CDK5RAP2: variants seen among roughly 807,000 people sequenced by gnomAD.
CDK5RAP2 encodes the protein CDK5 regulatory subunit-associated protein 2.
In CDK5RAP2, 147 loss-of-function variants were observed where a neutral mutation model predicts 232.9. That is an observed-to-expected ratio of 0.63 (90% CI 0.55 to 0.72). The LOEUF is 0.72. CDK5RAP2 is among the 30% of genes least tolerant of loss of function. The pLI, the probability that CDK5RAP2 is intolerant of heterozygous loss-of-function variation, is 0.00. For missense variants in CDK5RAP2, 2,195 were observed against 2,231.5 expected (o/e 0.98, Z 0.33); for synonymous variants, 833 against 833.7 (o/e 1.00, Z 0.01).
At chr9:120,441,892 T>C (rs1011614046) in intron 23 of CDK5RAP2, among the ~76,000 whole-genome samples, 7 of 152,124 alleles carry the variant, frequency 4.6e-5, no homozygotes, top group African/African-American at 1.7e-4. Context: ...TAGCACAGGG[T>C]CTGCGACAGA....
rs1179591679 is a variant in CDK5RAP2, at chr9:120,532,873, C to T, written c.663-2733G>A. Among the ~76,000 whole-genome samples the T allele has an allele frequency of 8.5e-5, 13 of 152,300 alleles. No individual in the cohort carries two copies. In the South Asian group the frequency reaches 1.0e-3, roughly 12 times the overall value. On this transcript the variant is annotated intron_variant, in intron 7 of 37. Coordinates refer to ENST00000349780, the MANE Select transcript of CDK5RAP2 (RefSeq NM_018249.6). ...TCCATGGAGACTCTACCACCTAGAA[C>T]ACAGTAAGTACTTGATACACGTTAA...
chr9:120,573,948 A>C (rs1269572409), intron 1 of CDK5RAP2, among the ~76,000 whole-genome samples: 1 of 152,318 alleles, frequency 6.6e-6, no homozygotes, highest in Admixed American at 6.5e-5. Context: ...AGCTCAGCCT[A>C]AGGTCTGGTC....
At chr9:120,518,206 T>TGAGAGA (rs1168760869) in intron 12 of CDK5RAP2, among the ~76,000 whole-genome samples, 13 of 108,832 alleles carry the variant, frequency 1.2e-4, no homozygotes, top group African/African-American at 5.2e-4. Context: ...TGTGTGTGTG[T>TGAGAGA]GTGTGAGAGA....
intron 12 of CDK5RAP2, among the ~76,000 whole-genome samples, chr9:120,494,025 G>A (rs1460636370): frequency 1.3e-5 from 2 of 150,892 alleles, no homozygotes; most frequent in Non-Finnish European, 2.9e-5. Context: ...CCGAGAGGCA[G>A]AGGTTGCAGT....
At chr9:120,498,645 A>G (rs1319383782) in intron 12 of CDK5RAP2, among the ~76,000 whole-genome samples, 2 of 152,168 alleles carry the variant, frequency 1.3e-5, no homozygotes, top group African/African-American at 2.4e-5. Flanking sequence ...ACTAGGGGAT[A>G]TATGGGAACT....
intron 12 of CDK5RAP2, among the ~76,000 whole-genome samples, chr9:120,514,884 CAG>C (rs2040257697): frequency 6.6e-6 from 1 of 152,210 alleles, no homozygotes; most frequent in Non-Finnish European, 1.5e-5. Flanking sequence ...CTAGAAGCAC[CAG>C]AGTTTACATG....
intron 18 of CDK5RAP2, among the ~76,000 whole-genome samples, chr9:120,465,554 G>T (rs1389208084): frequency 1.3e-5 from 2 of 152,148 alleles, no homozygotes; most frequent in East Asian, 3.9e-4. Flanking sequence ...CTCTATCAGG[G>T]CCTTCAAACT....
intron 3 of CDK5RAP2, among the ~76,000 whole-genome samples, chr9:120,555,355 C>G (rs1284504507): frequency 6.6e-6 from 1 of 152,014 alleles, no homozygotes; most frequent in African/African-American, 2.4e-5. Context: ...CCAGGCTGGT[C>G]TCGAACTCCT....
At chr9:120,409,017 G>T (rs1412895230) in intron 30 of CDK5RAP2, 110 bp downstream of exon 30, 1 of 979,472 alleles carries the variant, frequency 1.0e-6, no homozygotes, top group Non-Finnish European at 1.6e-6. Flanking sequence ...TGTGTCTACT[G>T]CCTGCCACTG....
At chr9:120,566,568 G>A (rs1430699111) in intron 3 of CDK5RAP2, among the ~76,000 whole-genome samples, 3 of 152,208 alleles carry the variant, frequency 2.0e-5, no homozygotes, top group Non-Finnish European at 2.9e-5. Flanking sequence ...AGAAAAGGAA[G>A]AAGCAGTCAT....
intron 28 of CDK5RAP2, among the ~76,000 whole-genome samples, chr9:120,414,636 C>A (rs927291637): frequency 2.0e-5 from 3 of 152,142 alleles, no homozygotes; most frequent in African/African-American, 7.2e-5. Flanking sequence ...CTTACCTATG[C>A]CAGCGGGGTG....
chr9:120,530,569 A>G (rs914201001), intron 7 of CDK5RAP2, among the ~76,000 whole-genome samples: 1 of 152,220 alleles, frequency 6.6e-6, no homozygotes, highest in Non-Finnish European at 1.5e-5. Flanking sequence ...TTCTCAGGGC[A>G]AAGTTTAAAA....
chr9:120,458,597 C>G lies in CDK5RAP2; in HGVS notation c.2228G>C (p.Gly743Ala), dbSNP rs751464655. ...GTGCCTTAAGTATCCATTTTTGCAG[C>G]CTCCTTTGGAAAGGTCTTTCATAAT... ...NEIMKDLSKGGCKNGYLRHTE... is the reference protein window; with the variant it reads ...NEIMKDLSKGACKNGYLRHTE... The change falls in exon 20 of 38, where the codon GGC becomes GCC. Residue 743 changes from glycine (G) to alanine (A), a missense_variant. Transcript: ENST00000349780. The G allele has an allele frequency of 7.4e-6, 12 of 1,613,950 alleles. No homozygotes were observed. In the Admixed American group the frequency reaches 1.5e-4, roughly 20 times the overall value.
chr9:120,496,450 G>A (rs2039247960), intron 12 of CDK5RAP2, among the ~76,000 whole-genome samples: 2 of 130,982 alleles, frequency 1.5e-5, no homozygotes, highest in Non-Finnish European at 3.3e-5. Context: ...CTGCCCGGCC[G>A]CCCCTACTGG....
Position 120,487,278 on chromosome 9 carries a change from T to C in CDK5RAP2, c.1626+16A>G. On this transcript the variant is annotated intron_variant, in intron 14 of 37. Transcript: ENST00000349780. ...AATCCATTCGCATGTGAATGTCCAA[T>C]TTCAGTCAAGCTTACCTTAGAGAAG... is the stretch of plus-strand genomic sequence containing the variant. 1 of 1,613,976 alleles carries C rather than the reference T, an allele frequency of 6.2e-7. No individual in the cohort carries two copies. The highest frequency in any genetic ancestry group is 8.5e-7 in the Non-Finnish European group (1 of 1,179,908).
intron 8 of CDK5RAP2, 164 bp from the exon 9 acceptor site, chr9:120,528,961 T>A: frequency 1.5e-6 from 1 of 648,066 alleles, no homozygotes. Flanking sequence ...CCCAAAGCCC[T>A]GCCTGATTTG....
At chr9:120,407,966 T>G in intron 31 of CDK5RAP2, 1 of 306,234 alleles carries the variant, frequency 3.3e-6, no homozygotes, top group Non-Finnish European at 6.4e-6. Flanking sequence ...GTGTCAGGTA[T>G]CTTGCTAGGA....
chr9:120,567,462 T>C (rs1588672776), intron 3 of CDK5RAP2, among the ~76,000 whole-genome samples: 2 of 152,364 alleles, frequency 1.3e-5, no homozygotes, highest in Middle Eastern at 3.4e-3. Context: ...GTGTCTTGCA[T>C]AGTATGGATT....
chr9:120,413,836 G>GAGGAGGGA (rs941741012), intron 28 of CDK5RAP2, among the ~76,000 whole-genome samples: 6 of 145,426 alleles, frequency 4.1e-5, no homozygotes, highest in Middle Eastern at 3.5e-3. Flanking sequence ...AGGGAGGAGG[G>GAGGAGGGA]AGGAGGGAAG....
Sources: gnomAD v4.1 joint callset for allele counts (sites outside exome capture counted in the v4.1 genomes callset) on GRCh38, gnomAD v4.1.1 for gene constraint, MANE v1.5 for transcripts, NCBI Gene and HGNC (gene_info 2026-07-23, HGNC 2026-07-21) for gene names.